ATP6V1D: variants seen among roughly 807,000 people sequenced by gnomAD.
ATP6V1D encodes V-type proton ATPase subunit D.
ATP6V1D carries 20 observed loss-of-function variants against 39.4 expected under a neutral mutation model. The observed-to-expected ratio is 0.51, with a 90% CI of 0.36 to 0.74. The LOEUF (loss-of-function observed/expected upper bound fraction) is 0.74, where lower values mean the gene tolerates loss of function less well. Ranked by LOEUF, ATP6V1D falls within the 30% of genes least tolerant of loss-of-function variation. The probability of loss-of-function intolerance (pLI) is 0.00; values close to 1 mark genes in which losing one functional copy is unlikely to be tolerated. For synonymous variants in ATP6V1D, 100 were observed against 100.5 expected, an observed-to-expected ratio of 0.99 and a Z score of 0.03; for missense variants, 228 against 291.6, an observed-to-expected ratio of 0.78 and a Z score of 1.59.
chr14:67,348,858 T>A, intron 4 of ATP6V1D, 179 bp downstream of exon 4: 1 of 636,632 alleles, frequency 1.6e-6, no homozygotes. Context: ...TATACAAAAG[T>A]CAAGTTATCC....
At chr14:67,339,946 A>C (rs985549693) in intron 8 of ATP6V1D, 2 of 152,592 alleles carry the variant, frequency 1.3e-5, no homozygotes, top group Non-Finnish European at 2.9e-5. Context: ...CTAAAAGTAC[A>C]AAAAAATTAT....
At chr14:67,350,466 G>T (rs2085648468) in intron 3 of ATP6V1D, 145 bp downstream of exon 3, 1 of 592,910 alleles carries the variant, frequency 1.7e-6, no homozygotes, top group South Asian at 2.4e-5. Flanking sequence ...GAGTTAAGGT[G>T]ATGGGGTTAA....
At chr14:67,348,055 G>A (rs1479429070) in intron 4 of ATP6V1D, among the ~76,000 whole-genome samples, 2 of 151,712 alleles carry the variant, frequency 1.3e-5, no homozygotes, top group Non-Finnish European at 2.9e-5. Flanking sequence ...TGGGACAACA[G>A]GCACATGCCA....
chr14:67,346,474 G>C (rs1257726349), intron 5 of ATP6V1D, among the ~76,000 whole-genome samples: 1 of 152,182 alleles, frequency 6.6e-6, no homozygotes, highest in Non-Finnish European at 1.5e-5. Flanking sequence ...ACCAGGCCCA[G>C]CTAATTTTTG....
intron 1 of ATP6V1D, among the ~76,000 whole-genome samples, chr14:67,358,868 C>T (rs1186231744): frequency 1.3e-5 from 2 of 152,152 alleles, no homozygotes; most frequent in African/African-American, 2.4e-5. Flanking sequence ...AAAGGCAGCC[C>T]ACAACTGAGC....
chr14:67,350,997 T>G (rs754459717), intron 2 of ATP6V1D, among the ~76,000 whole-genome samples: 35 of 152,232 alleles, frequency 2.3e-4, no homozygotes, highest in Non-Finnish European at 4.1e-4. Context: ...AACTAATCTC[T>G]TAAATTCACT....
At chr14:67,344,324 A>G (rs747031599) in intron 6 of ATP6V1D, among the ~76,000 whole-genome samples, 2 of 152,188 alleles carry the variant, frequency 1.3e-5, no homozygotes, top group Non-Finnish European at 2.9e-5. Context: ...TCCCGGGTCA[A>G]TCCTCACATT....
chr14:67,340,938 G>A (rs2085576436), intron 7 of ATP6V1D, among the ~76,000 whole-genome samples: 1 of 152,244 alleles, frequency 6.6e-6, no homozygotes, highest in Non-Finnish European at 1.5e-5. Context: ...GGCCTCCCGA[G>A]GTGCCGGGAT....
chr14:67,356,614 C>T (rs752799007), intron 1 of ATP6V1D, among the ~76,000 whole-genome samples: 6 of 152,120 alleles, frequency 3.9e-5, no homozygotes, highest in Non-Finnish European at 8.8e-5. Context: ...CTCAAAGTTA[C>T]TCAGTGAAGA....
chr14:67,358,007 A>G (rs1198237439), intron 1 of ATP6V1D, among the ~76,000 whole-genome samples: 1 of 152,094 alleles, frequency 6.6e-6, no homozygotes, highest in East Asian at 1.9e-4. Context: ...TAAAAAGGGA[A>G]CGAGAGGGGT....
chr14:67,359,542 G>A (rs2085713362), intron 1 of ATP6V1D, 116 bp downstream of exon 1: 1 of 1,204,026 alleles, frequency 8.3e-7, no homozygotes, highest in South Asian at 1.4e-5. Context: ...AAGAACCTGG[G>A]AAAAGCTCAG....
In ATP6V1D at chr14:67,352,287, T is replaced by C. The variant is rs188985145; in HGVS notation, c.159+636A>G. Reference sequence around the variant, plus strand: ...GTCAAAAAGACTAGCCTGGGCAACATAGTGAGACCTCGTCTCTACTAAAAA... The same window carrying C: ...GTCAAAAAGACTAGCCTGGGCAACACAGTGAGACCTCGTCTCTACTAAAAA... On this transcript the variant is annotated intron_variant, in intron 2 of 8. Coordinates refer to ENST00000216442, the MANE Select transcript of ATP6V1D (RefSeq NM_015994.4). Among the ~76,000 whole-genome samples, 107 of 151,954 alleles carry C rather than the reference T, an allele frequency of 7.0e-4. 1 individual carries two copies. The East Asian group carries it at 0.02, about 28-fold the overall frequency.
At chr14:67,354,687 T>G (rs1422973947) in intron 1 of ATP6V1D, among the ~76,000 whole-genome samples, 2 of 152,254 alleles carry the variant, frequency 1.3e-5, no homozygotes, top group African/African-American at 4.8e-5. Flanking sequence ...AAAAATGTGC[T>G]TATATAGATG....
chr14:67,350,816 T>C (rs2085650508), intron 2 of ATP6V1D, 126 bp from the exon 3 acceptor site: 2 of 885,770 alleles, frequency 2.3e-6, no homozygotes, highest in South Asian at 3.7e-5. Flanking sequence ...ATTGGTTTGA[T>C]AACGACAAAC....
At chr14:67,348,872 G>T in intron 4 of ATP6V1D, 165 bp downstream of exon 4, 1 of 692,160 alleles carries the variant, frequency 1.4e-6, no homozygotes, top group Non-Finnish European at 2.4e-6. Context: ...GTTATCCTGA[G>T]TAATTAGAAA....
At chr14:67,351,490 GA>G (rs1702658575) in intron 2 of ATP6V1D, among the ~76,000 whole-genome samples, 1 of 152,126 alleles carries the variant, frequency 6.6e-6, no homozygotes. Flanking sequence ...TTGACCAAAG[GA>G]AAAACATTTT....
At chr14:67,353,346 T>C (rs1334685138) in intron 1 of ATP6V1D, among the ~76,000 whole-genome samples, 1 of 152,150 alleles carries the variant, frequency 6.6e-6, no homozygotes, top group East Asian at 1.9e-4. Flanking sequence ...GGGTTCCTTA[T>C]TGCAGGAGTG....
At chr14:67,342,448 C>T (rs1280844816) in intron 7 of ATP6V1D, among the ~76,000 whole-genome samples, 3 of 150,884 alleles carry the variant, frequency 2.0e-5, no homozygotes, top group East Asian at 1.9e-4. Flanking sequence ...GTTAAAAAAT[C>T]GAGCAGAGAG....
intron 1 of ATP6V1D, among the ~76,000 whole-genome samples, chr14:67,359,075 C>T (rs1253864645): frequency 6.6e-6 from 1 of 152,176 alleles, no homozygotes; most frequent in Admixed American, 6.5e-5. Flanking sequence ...AAAAGCAGTG[C>T]CTCAGAAACA....
Sources: gnomAD v4.1 joint callset for allele counts (sites outside exome capture counted in the v4.1 genomes callset) on GRCh38, gnomAD v4.1.1 for gene constraint, MANE v1.5 for transcripts, NCBI Gene and HGNC (gene_info 2026-07-23, HGNC 2026-07-21) for gene names.